Variants in RGS8 observed in about 807,000 individuals in gnomAD.
RGS8 encodes the protein regulator of G protein signaling 8.
In RGS8, 8 loss-of-function variants were observed where a neutral mutation model predicts 21.7. That is an observed-to-expected ratio of 0.37 (90% confidence interval 0.22 to 0.66). The LOEUF is 0.66. RGS8 is among the 30% of genes least tolerant of loss of function. RGS8 has a pLI of 0.59. For synonymous variants in RGS8, 80 were observed against 83.6 expected (o/e 0.96, Z 0.24); for missense variants, 157 against 217.9 (o/e 0.72, Z 1.76).
chr1:182,655,444 A>G (rs1382484575), intron 5 of RGS8, among the ~76,000 whole-genome samples: 1 of 152,222 alleles, frequency 6.6e-6, no homozygotes, highest in Non-Finnish European at 1.5e-5. Context: ...TAGGCAGGAG[A>G]ATTCAACTAA....
At chr1:182,663,179 C>T (rs1663685203) in intron 5 of RGS8, among the ~76,000 whole-genome samples, 1 of 152,204 alleles carries the variant, frequency 6.6e-6, no homozygotes. Context: ...GAGACGAGCA[C>T]ACGTGCAATC....
chr1:182,645,582 C>G (rs567894426), downstream of RGS8: 2 of 152,322 alleles, frequency 1.3e-5, no homozygotes, highest in East Asian at 3.9e-4. Flanking sequence ...GCCACACCTC[C>G]TATTTCATGC....
At chr1:182,710,112 C>T in the RGS8 span, among the ~76,000 whole-genome samples, 5 of 152,320 alleles carry the variant, frequency 3.3e-5, 1 homozygote, top group African/African-American at 9.6e-5. Context: ...ATTTGACTCA[C>T]AGGTGTGGTA....
intron 5 of RGS8, among the ~76,000 whole-genome samples, chr1:182,656,026 C>A (rs777260683): frequency 6.6e-6 from 1 of 152,198 alleles, no homozygotes; most frequent in Non-Finnish European, 1.5e-5. Context: ...TCAGGACTTA[C>A]TGAATTGGGC....
the RGS8 span, among the ~76,000 whole-genome samples, chr1:182,726,911 A>G: frequency 7.5e-6 from 1 of 132,742 alleles, no homozygotes; most frequent in Non-Finnish European, 1.6e-5. Context: ...TTTGATATAG[A>G]CTTTTTTTTA....
chr1:182,712,416 A>G, the RGS8 span, among the ~76,000 whole-genome samples: 1 of 152,206 alleles, frequency 6.6e-6, no homozygotes, highest in African/African-American at 2.4e-5. Flanking sequence ...TTCCATCTGA[A>G]TTTGACCATA....
At chr1:182,743,812 A>G in the RGS8 span, among the ~76,000 whole-genome samples, 1 of 152,234 alleles carries the variant, frequency 6.6e-6, no homozygotes, top group Admixed American at 6.5e-5. Flanking sequence ...ACACACATAC[A>G]CATGCATACA....
the RGS8 span, among the ~76,000 whole-genome samples, chr1:182,695,717 A>G: frequency 6.6e-6 from 1 of 152,334 alleles, no homozygotes; most frequent in South Asian, 2.1e-4. Context: ...TTGATAGACA[A>G]TGCAGAAGCA....
chr1:182,742,062 C>T, the RGS8 span, among the ~76,000 whole-genome samples: 4 of 147,492 alleles, frequency 2.7e-5, 1 homozygote, highest in Admixed American at 1.3e-4. Flanking sequence ...ACATCCCGGA[C>T]GGGGCGGCAG....
chr1:182,702,248 G>A, the RGS8 span, among the ~76,000 whole-genome samples: 6 of 152,096 alleles, frequency 3.9e-5, no homozygotes, highest in South Asian at 2.1e-4. Context: ...ACAAAATCAC[G>A]TCCTTTGCAG....
chr1:182,739,361 C>A, the RGS8 span, among the ~76,000 whole-genome samples: 1 of 152,180 alleles, frequency 6.6e-6, no homozygotes. Flanking sequence ...ACGCTGTCAT[C>A]TGGGGAAACA....
At chr1:182,709,217 A>G in the RGS8 span, among the ~76,000 whole-genome samples, 2 of 152,072 alleles carry the variant, frequency 1.3e-5, no homozygotes, top group Admixed American at 6.6e-5. Flanking sequence ...TGGGCCTCAT[A>G]GTTTCTACTC....
At chr1:182,714,021 C>A in the RGS8 span, among the ~76,000 whole-genome samples, 2 of 152,038 alleles carry the variant, frequency 1.3e-5, no homozygotes, top group South Asian at 4.2e-4. Context: ...CATTTTCTAC[C>A]ACGCCAATTT....
the RGS8 span, among the ~76,000 whole-genome samples, chr1:182,737,656 ATC>A: frequency 1.3e-5 from 2 of 152,194 alleles, no homozygotes; most frequent in Admixed American, 6.5e-5. Context: ...AGTCCATCAA[ATC>A]TCTCTTTTAT....
chr1:182,717,182 T>G, the RGS8 span, among the ~76,000 whole-genome samples: 1 of 152,214 alleles, frequency 6.6e-6, no homozygotes. Context: ...TACATTTTTA[T>G]GCAAATGACC....
At chr1:182,648,069 C>T in intron 6 of RGS8, 68 bp downstream of exon 7, 2 of 1,388,942 alleles carry the variant, frequency 1.4e-6, no homozygotes, top group Non-Finnish European at 1.9e-6. Context: ...TGGCTCAGAT[C>T]CTCTCTGAGG....
chr1:182,684,223 G>A lies in RGS8; in HGVS notation n.221+133C>T, dbSNP rs1420742245. 2 of 152,428 alleles carry A rather than the reference G, an allele frequency of 1.3e-5. No individual in the cohort carries two copies. Among genetic ancestry groups the A allele is most frequent in the East Asian group, 3.8e-4 (2 of 5,198 alleles). 9.4% of individuals were successfully genotyped at this position (152,428 alleles called of 1,614,324 possible). Reference sequence around the variant, plus strand: ...CTCTGAGGAGTCAGAGAGTAAATGGGGACAATGACAGGAGGCCAGAACCTT... The same window carrying A: ...CTCTGAGGAGTCAGAGAGTAAATGGAGACAATGACAGGAGGCCAGAACCTT... On this transcript the variant is annotated intron_variant and non_coding_transcript_variant, in intron 1 of 4. Coordinates refer to the RGS8 transcript ENST00000515211. This position sits in a 1 kb window ranked among gnomAD's most constrained non-coding sequence, Gnocchi z 4.2.
At chr1:182,653,938 T>C (rs950514175) in intron 5 of RGS8, among the ~76,000 whole-genome samples, 10 of 152,322 alleles carry the variant, frequency 6.6e-5, no homozygotes, top group East Asian at 5.8e-4. Context: ...CTGGAGAAGA[T>C]GGTAGCGCCT....
At chr1:182,643,338 C>A (rs573237663), downstream of RGS8, 1 of 138,956 alleles carries the variant, frequency 7.2e-6, no homozygotes, top group African/African-American at 2.7e-5. Flanking sequence ...CCCGCCCCCG[C>A]GCTGTGTTCC....
Sources: gnomAD v4.1 joint callset for allele counts (sites outside exome capture counted in the v4.1 genomes callset) on GRCh38, gnomAD v4.1.1 for gene constraint, Gnocchi (gnomAD v3.1) non-coding constraint, MANE v1.5 for transcripts, NCBI Gene and HGNC (gene_info 2026-07-23, HGNC 2026-07-21) for gene names.